CDK19: variants seen among roughly 807,000 people sequenced by gnomAD.
The protein encoded by CDK19 is cyclin dependent kinase 19, also known as cyclin-dependent kinase 19.
CDK19 carries 20 observed loss-of-function variants against 68.3 expected under a neutral mutation model. The ratio of observed to expected loss-of-function variants is 0.29; its 90% CI spans 0.21 to 0.43. The LOEUF (loss-of-function observed/expected upper bound fraction) is 0.43. CDK19 is among the 20% of genes least tolerant of loss of function. The probability of loss-of-function intolerance (pLI) is 1.00; values close to 1 mark genes in which losing one functional copy is unlikely to be tolerated. For synonymous variants in CDK19, 221 were observed against 222.8 expected, an observed-to-expected ratio of 0.99 and a Z score of 0.07; for missense variants, 339 against 623.5, an observed-to-expected ratio of 0.54 and a Z score of 4.86.
rs572954791 is a variant in CDK19, at chr6:110,749,853, A to G, written c.129-3652T>C. On this transcript the variant is annotated intron_variant, in intron 1 of 12. Coordinates refer to ENST00000368911, the MANE Select transcript of CDK19 (RefSeq NM_015076.5). Reference sequence around the variant, plus strand: ...AGTGGCATGATCTCAGTTCAGTGCAACCTCCGCCTCCCAGGTTCAAGCATT... The same window carrying G: ...AGTGGCATGATCTCAGTTCAGTGCAGCCTCCGCCTCCCAGGTTCAAGCATT... 6.4e-5 allele frequency among the ~76,000 whole-genome samples: 7 copies of G among 109,316 alleles called. 2 individuals are homozygous for G. The East Asian group carries it at 2.5e-3, about 39-fold the overall frequency. The allele number at this position is 109,316 out of a possible 152,430, so 71.7% of individuals were successfully genotyped here. A position where few individuals can be genotyped will look rare whatever the true frequency, so the allele number is the denominator to read the frequency against.
At chr6:110,632,946 C>T (rs372288514) in intron 5 of CDK19, among the ~76,000 whole-genome samples, 6 of 152,124 alleles carry the variant, frequency 3.9e-5, no homozygotes, top group African/African-American at 9.6e-5. Context: ...TATGGCCAGG[C>T]GCGGTGGCTC....
intron 1 of CDK19, among the ~76,000 whole-genome samples, chr6:110,797,984 C>CAAAAA (rs56710819): frequency 2.6e-4 from 23 of 87,168 alleles, no homozygotes; most frequent in Non-Finnish European, 3.5e-4. Context: ...GACTCCGTCT[C>CAAAAA]AAAAAAAAAA....
At chr6:110,772,257 A>G (rs1780071681) in intron 1 of CDK19, among the ~76,000 whole-genome samples, 1 of 152,190 alleles carries the variant, frequency 6.6e-6, no homozygotes. Context: ...GGCAAAAGGC[A>G]CTTCTTACAT....
At chr6:110,721,154 C>A (rs1278304343) in intron 2 of CDK19, among the ~76,000 whole-genome samples, 1 of 152,104 alleles carries the variant, frequency 6.6e-6, no homozygotes, top group African/African-American at 2.4e-5. Flanking sequence ...GCAGGAGAAT[C>A]GCTTGAACCC....
At chr6:110,735,350 A>G (rs1777168796) in intron 2 of CDK19, among the ~76,000 whole-genome samples, 1 of 152,170 alleles carries the variant, frequency 6.6e-6, no homozygotes, top group South Asian at 2.1e-4. Context: ...CCACTCCCTT[A>G]TAATGTTACT....
chr6:110,791,952 C>T (rs1266954239), intron 1 of CDK19, among the ~76,000 whole-genome samples: 1 of 151,120 alleles, frequency 6.6e-6, no homozygotes, highest in Admixed American at 6.6e-5. Context: ...AGCCACCCAG[C>T]ATGTTTTCTA....
intron 1 of CDK19, among the ~76,000 whole-genome samples, chr6:110,760,564 C>CA (rs924207543): frequency 1.3e-5 from 2 of 151,728 alleles, no homozygotes; most frequent in Non-Finnish European, 1.5e-5. Context: ...CCTGTCGCTA[C>CA]AAAAAAATAC....
At chr6:110,734,536 T>C (rs542629274) in intron 2 of CDK19, among the ~76,000 whole-genome samples, 10 of 147,330 alleles carry the variant, frequency 6.8e-5, no homozygotes, top group South Asian at 2.2e-4. Flanking sequence ...TCTCTCTCTC[T>C]CTCTCTCTCT....
Position 110,617,077 on chromosome 6 carries a change from T to C in CDK19, c.1378-2411A>G, listed in dbSNP as rs887752470. Among the ~76,000 whole-genome samples the C allele has an allele frequency of 3.3e-5, 5 of 152,314 alleles. 1 individual carries two copies. Among genetic ancestry groups the C allele is most frequent in the Middle Eastern group, 6.8e-3 (2 of 294 alleles). On this transcript the variant is annotated intron_variant, in intron 12 of 12. Coordinates refer to ENST00000368911, the MANE Select transcript of CDK19 (RefSeq NM_015076.5). ...AAGGCCTCAGGAGCAAAAGTTTTTC[T>C]CTGACCTTTTTGTGCCCTCTTGTCT...
At chr6:110,814,643 C>T in intron 1 of CDK19, 1 of 488,924 alleles carries the variant, frequency 2.0e-6, no homozygotes, top group Non-Finnish European at 4.0e-6. Flanking sequence ...GGAGCGGCAA[C>T]TCCGCAGCGG....
intron 2 of CDK19, among the ~76,000 whole-genome samples, chr6:110,740,819 C>A (rs1390723350): frequency 6.6e-6 from 1 of 152,160 alleles, no homozygotes; most frequent in Non-Finnish European, 1.5e-5. Flanking sequence ...GCCCTATCTA[C>A]TCTTTATGGT....
chr6:110,621,288 G>A lies in CDK19; in HGVS notation c.1193C>T (p.Pro398Leu). The A allele has an allele frequency of 6.2e-7, 1 of 1,611,166 alleles. No homozygotes were observed. The highest frequency in any genetic ancestry group is 8.5e-7 in the Non-Finnish European group (1 of 1,178,554). ...GTTGGTCTGGGTGCTGTTCTGCTGTGGTGGGGGCGCCTGTGGAGGGGCTGC... is the reference window on the plus strand; with the variant it reads ...GTTGGTCTGGGTGCTGTTCTGCTGTAGTGGGGGCGCCTGTGGAGGGGCTGC... ...QAAAPPQAPP[P>L]QQNSTQTNGT... Residue 398 changes from proline (P) to leucine (L), a missense_variant, in exon 12 of 13, where the codon CCA (proline) becomes CTA (leucine). By Grantham distance (98) the Pro-to-Leu change is moderately conservative. This residue lies in a region of CDK19 where 155 missense variants were observed against 222.7 expected (regional missense o/e 0.70). Transcript: ENST00000368911. This position sits in a 1 kb window ranked among gnomAD's most constrained non-coding sequence, Gnocchi z 5.4.
At chr6:110,774,964 T>A in intron 1 of CDK19, among the ~76,000 whole-genome samples, 1 of 149,364 alleles carries the variant, frequency 6.7e-6, no homozygotes, top group East Asian at 2.0e-4. Context: ...AAATACAAAA[T>A]AGGCTGGGTG....
chr6:110,726,267 TAGCAA>T (rs1167244134), intron 2 of CDK19, among the ~76,000 whole-genome samples: 1 of 152,184 alleles, frequency 6.6e-6, no homozygotes, highest in Non-Finnish European at 1.5e-5. Flanking sequence ...AGGAGATAAT[TAGCAA>T]AGGTAAATTA....
At chr6:110,626,131 G>A (rs1206607440) in intron 8 of CDK19, among the ~76,000 whole-genome samples, 7 of 152,088 alleles carry the variant, frequency 4.6e-5, no homozygotes, top group African/African-American at 1.7e-4. Context: ...CCACAACTGT[G>A]GCCTAGAACT....
intron 1 of CDK19, among the ~76,000 whole-genome samples, chr6:110,777,423 A>G (rs562243316): frequency 6.6e-6 from 1 of 152,302 alleles, no homozygotes; most frequent in South Asian, 2.1e-4. Context: ...ATAAGATACG[A>G]CCTCATACCT....
At chr6:110,735,018 C>CT (rs1777134617) in intron 2 of CDK19, among the ~76,000 whole-genome samples, 1 of 152,072 alleles carries the variant, frequency 6.6e-6, no homozygotes, top group Non-Finnish European at 1.5e-5. Context: ...TTTTCCACCC[C>CT]TTATTCATTA....
At chr6:110,616,581 T>C (rs1171593102) in intron 12 of CDK19, among the ~76,000 whole-genome samples, 1 of 151,536 alleles carries the variant, frequency 6.6e-6, no homozygotes, top group African/African-American at 2.4e-5. Flanking sequence ...GGCAGGAGAA[T>C]CGCTTGAACC....
intron 1 of CDK19, among the ~76,000 whole-genome samples, chr6:110,777,386 T>G (rs1054491177): frequency 1.3e-5 from 2 of 152,190 alleles, no homozygotes; most frequent in Non-Finnish European, 2.9e-5. Context: ...CACTCAAACA[T>G]TTTGTAAACT....
Sources: gnomAD v4.1 joint callset for allele counts (sites outside exome capture counted in the v4.1 genomes callset) on GRCh38, gnomAD v4.1.1 for gene constraint, gnomAD v4.1.1 regional missense constraint, Gnocchi (gnomAD v3.1) non-coding constraint, MANE v1.5 for transcripts, NCBI Gene and HGNC (gene_info 2026-07-23, HGNC 2026-07-21) for gene names.